The following KCNT1 variants were observed in gnomAD, a reference collection of about 807,000 sequenced individuals.
The protein encoded by KCNT1 is potassium sodium-activated channel subfamily T member 1.
KCNT1 carries 78 observed loss-of-function variants against 147.8 expected under a neutral mutation model. That is an observed-to-expected ratio of 0.53 (90% CI 0.44 to 0.64). KCNT1 has a LOEUF of 0.64. KCNT1 is among the 30% of genes least tolerant of loss of function. The pLI is 0.00. For synonymous variants in KCNT1, 867 were observed against 748.8 expected, an observed-to-expected ratio of 1.16 and a Z score of -2.58; for missense variants, 1,419 against 1,750.3, an observed-to-expected ratio of 0.81 and a Z score of 3.38.
At chr9:135,781,149 G>A (rs750586046) in intron 24 of KCNT1, among the ~76,000 whole-genome samples, 3 of 150,608 alleles carry the variant, frequency 2.0e-5, no homozygotes, top group South Asian at 2.1e-4. Flanking sequence ...TCAGAGCAGT[G>A]AACAGTCCTG....
intron 2 of KCNT1, among the ~76,000 whole-genome samples, chr9:135,725,961 G>A (rs1836121509): frequency 6.6e-6 from 1 of 152,180 alleles, no homozygotes; most frequent in Non-Finnish European, 1.5e-5. Flanking sequence ...AGAGGGGTTG[G>A]TGGGCAGCAG....
rs1196736208 is a variant in KCNT1, at chr9:135,757,237, G to A, written c.675+7G>A. The A allele has an allele frequency of 1.9e-6, 3 of 1,612,470 alleles. No homozygotes were observed. The highest frequency in any genetic ancestry group is 2.5e-6 in the Non-Finnish European group (3 of 1,179,774). ...TCTGCCCTTCATCATCACGGTGGGT[G>A]AGCCCCAGCTGCCAGGAGTGCGGGC... On this transcript the variant is annotated splice_region_variant and intron_variant, in intron 8 of 30. Coordinates refer to ENST00000371757, the MANE Select transcript of KCNT1 (RefSeq NM_020822.3).
chr9:135,762,280 A>C (rs563433862), intron 11 of KCNT1, among the ~76,000 whole-genome samples: 13 of 152,314 alleles, frequency 8.5e-5, no homozygotes, highest in African/African-American at 3.1e-4. Context: ...TCCCATCTCT[A>C]CCAAAAAGTA....
At chr9:135,753,727 T>G in intron 4 of KCNT1, 1 of 600,124 alleles carries the variant, frequency 1.7e-6, no homozygotes, top group South Asian at 2.0e-5. Flanking sequence ...CATTCCTCAG[T>G]TAGAGGCCCT....
intron 2 of KCNT1, among the ~76,000 whole-genome samples, chr9:135,745,473 G>T (rs73574649): frequency 4.6e-5 from 7 of 152,212 alleles, no homozygotes; most frequent in African/African-American, 1.7e-4. Flanking sequence ...TGGGAGCCAC[G>T]GTGAGTCGAA....
At chr9:135,762,790 G>T (rs537350093) in intron 11 of KCNT1, among the ~76,000 whole-genome samples, 2 of 152,290 alleles carry the variant, frequency 1.3e-5, no homozygotes, top group South Asian at 2.1e-4. Flanking sequence ...GACTCCAGGT[G>T]CACCAGGTCC....
intron 2 of KCNT1, among the ~76,000 whole-genome samples, chr9:135,727,320 T>C (rs1287767853): frequency 9.8e-6 from 1 of 102,340 alleles, no homozygotes; most frequent in Non-Finnish European, 1.9e-5. Flanking sequence ...ATTCTCTCTC[T>C]CCCCCTCTCT....
intron 2 of KCNT1, chr9:135,742,644 G>C: frequency 1.5e-6 from 1 of 680,478 alleles, no homozygotes; most frequent in South Asian, 1.6e-5. Context: ...GCCCCGCCTG[G>C]TCCCAGAGCC....
chr9:135,750,853 C>A, intron 3 of KCNT1, 89 bp from the exon 4 acceptor site: 3 of 1,212,932 alleles, frequency 2.5e-6, no homozygotes, highest in South Asian at 1.2e-5. Flanking sequence ...CTGGGGCCAT[C>A]CAGAGAGCCC....
chr9:135,768,438 C>A (rs982511036), intron 13 of KCNT1, 172 bp from the exon 14 acceptor site: 59 of 578,466 alleles, frequency 1.0e-4, no homozygotes, highest in Admixed American at 6.3e-4. Context: ...CTTCCATCCT[C>A]CCCGCCTTCC....
At position 135,795,315 on chromosome 9, in the gene KCNT1, G is replaced by A. The variant is rs1251957268; in HGVS notation, c.*3154G>A. On this transcript the variant is annotated 3_prime_UTR_variant, in exon 31 of 31. Coordinates refer to ENST00000371757, the MANE Select transcript of KCNT1 (RefSeq NM_020822.3). ...AAAAAATAGCTAGACGTGGTGGCAT[G>A]TGCATACAGTCCCAGGTACCCAAGA... 1 of 151,924 alleles carries A rather than the reference G, an allele frequency of 6.6e-6. No individual in the cohort carries two copies. Among genetic ancestry groups the A allele is most frequent in the Non-Finnish European group, 1.5e-5 (1 of 67,998 alleles). The allele number at this position is 151,924 out of a possible 1,614,324, so 9.4% of individuals were successfully genotyped here.
At chr9:135,738,479 A>G (rs927631671) in intron 2 of KCNT1, among the ~76,000 whole-genome samples, 3 of 152,132 alleles carry the variant, frequency 2.0e-5, no homozygotes, top group African/African-American at 7.2e-5. Context: ...CAGAGCCGAG[A>G]GGCAGGTGTG....
chr9:135,784,795 C>A lies in KCNT1; in HGVS notation c.3062C>A (p.Thr1021Lys), dbSNP rs773573319. Reference protein sequence around the residue: ...KITEGDLWIRTYGRLFQKLCS... With the variant: ...KITEGDLWIRKYGRLFQKLCS... ...ACCGAGGGCGACCTGTGGATCCGCA[C>A]GTACGGCCGCCTCTTCCAGAAGCTC... Residue 1021 changes from threonine to lysine, a missense_variant, in exon 27 of 31, where the codon ACG becomes AAG. Thr to Lys is a moderately conservative substitution (Grantham distance 78). Coordinates refer to ENST00000371757, the MANE Select transcript of KCNT1 (RefSeq NM_020822.3). 6.2e-7 allele frequency: 1 copy of A among 1,612,778 alleles called. No homozygotes were observed. The highest frequency in any genetic ancestry group is 8.5e-7 in the Non-Finnish European group (1 of 1,179,968).
rs971442539 is a variant in KCNT1 at position 135,717,645 on chromosome 9, C to T, written c.254+2925C>T. Among the ~76,000 whole-genome samples the T allele has an allele frequency of 6.6e-5, 10 of 152,338 alleles. No homozygotes were observed. The East Asian group carries it at 1.2e-3, about 18-fold the overall frequency. The stretch of plus-strand genomic sequence containing the variant: ...AGCCGCTGCCCGGCACAGCTGAACC[C>T]GCTCCTCACGTGGACTCAGGCCCTC... On this transcript the variant is annotated intron_variant, in intron 2 of 30. Transcript: ENST00000371757.
In KCNT1 at chr9:135,792,600, G is replaced by A. The variant is rs896235725; in HGVS notation, c.*439G>A. The A allele has an allele frequency of 6.2e-5, 10 of 160,288 alleles. No homozygotes were observed. Among genetic ancestry groups the A allele is most frequent in the Admixed American group, 1.3e-4 (2 of 15,912 alleles). 9.9% of individuals were successfully genotyped at this position (160,288 alleles called of 1,614,324 possible). ...ACTCAGAGCCGGCCTGAGCGTTCAC[G>A]GCCAGGCAGCCTCGCTTCCTTGCAG... On this transcript the variant is annotated 3_prime_UTR_variant, in exon 31 of 31. Coordinates refer to ENST00000371757, the MANE Select transcript of KCNT1 (RefSeq NM_020822.3).
chr9:135,782,936 G>A (rs991226197), intron 24 of KCNT1, among the ~76,000 whole-genome samples: 3 of 152,226 alleles, frequency 2.0e-5, no homozygotes, highest in Non-Finnish European at 4.4e-5. Context: ...CCACTGATGA[G>A]TAAGGGCGAA....
At chr9:135,736,869 C>T in intron 2 of KCNT1, 1 of 289,330 alleles carries the variant, frequency 3.5e-6, no homozygotes, top group East Asian at 5.1e-5. Flanking sequence ...GCTGCACCTG[C>T]GTTGCCTGCA....
At chr9:135,785,251 G>C in intron 27 of KCNT1, 59 bp from the exon 28 acceptor site, 1 of 1,603,460 alleles carries the variant, frequency 6.2e-7, no homozygotes, top group Non-Finnish European at 8.5e-7. Context: ...CCAGGCTGAG[G>C]CGGCGTGGGG....
intron 7 of KCNT1, 103 bp from the exon 8 acceptor site, chr9:135,757,053 C>A: frequency 8.9e-7 from 1 of 1,129,300 alleles, no homozygotes; most frequent in Admixed American, 2.0e-5. Context: ...ATCCACTGAC[C>A]TCCAGGGTGG....
Sources: allele counts gnomAD v4.1 joint callset (sites outside exome capture counted in the v4.1 genomes callset), GRCh38; gene constraint gnomAD v4.1.1; transcripts MANE v1.5; gene names NCBI Gene and HGNC (gene_info 2026-07-23, HGNC 2026-07-21).